Variants in SLIT2 observed in about 807,000 individuals in gnomAD.
The protein encoded by SLIT2 is slit homolog 2 protein.
In SLIT2, 41 loss-of-function variants were observed where a neutral mutation model predicts 185.7. That is an observed-to-expected ratio of 0.22 (90% CI 0.17 to 0.29). SLIT2 has a LOEUF of 0.29. Among genes scored for constraint, SLIT2 ranks in the 10% least tolerant of loss-of-function variants. SLIT2 has a pLI of 1.00. For missense variants in SLIT2, 1,571 were observed against 1,909.0 expected, an observed-to-expected ratio of 0.82 and a Z score of 3.30; for synonymous variants, 693 against 680.2, an observed-to-expected ratio of 1.02 and a Z score of -0.29.
intron 4 of SLIT2, among the ~76,000 whole-genome samples, chr4:20,367,654 T>C (rs1326056043): frequency 1.3e-5 from 2 of 152,170 alleles, no homozygotes; most frequent in Non-Finnish European, 2.9e-5. Flanking sequence ...TTAGCATTTA[T>C]TTCTCCTGGC....
In SLIT2 at chr4:20,472,598, C is replaced by CTATATAGATCTA. The variant is rs373022250; in HGVS notation, c.467+4779_467+4780insTAGATCTATATA. Among the ~76,000 whole-genome samples the CTATATAGATCTA allele has an allele frequency of 2.6e-4, 2 of 7,784 alleles. 1 individual carries two copies. The highest frequency in any genetic ancestry group is 4.2e-4 in the Non-Finnish European group (2 of 4,730). The allele number at this position is 7,784 out of a possible 152,430, so 5.1% of individuals were successfully genotyped here. A position where few individuals can be genotyped will look rare whatever the true frequency, so the allele number is the denominator to read the frequency against. ...GATATATCTATATATAGATATATATCTATAGATATATCTATATATATCGAT... is the reference window on the plus strand; with the variant it reads ...GATATATCTATATATAGATATATATCTATATAGATCTATATAGATATATCTATATATATCGAT... On this transcript the variant is annotated intron_variant, in intron 5 of 36. Transcript: ENST00000504154.
At chr4:20,525,294 C>A in intron 15 of SLIT2, 122 bp downstream of exon 15, 2 of 711,206 alleles carry the variant, frequency 2.8e-6, no homozygotes, top group Non-Finnish European at 5.0e-6. Flanking sequence ...GATAGATTGA[C>A]TTATGCATAT....
intron 29 of SLIT2, chr4:20,573,353 AG>A: frequency 2.9e-6 from 2 of 696,168 alleles, no homozygotes; most frequent in South Asian, 3.0e-5. Context: ...CACAGTAAAA[AG>A]GAATGTTGAC....
chr4:20,459,671 T>G (rs1162320757), intron 4 of SLIT2, among the ~76,000 whole-genome samples: 1 of 152,136 alleles, frequency 6.6e-6, no homozygotes, highest in Non-Finnish European at 1.5e-5. Context: ...TATAAAACAT[T>G]GCCATTCTCC....
chr4:20,348,640 C>G (rs1721633283), intron 4 of SLIT2, among the ~76,000 whole-genome samples: 1 of 152,104 alleles, frequency 6.6e-6, no homozygotes, highest in African/African-American at 2.4e-5. Context: ...AGCCACTGTG[C>G]TAGACAAGGG....
intron 9 of SLIT2, among the ~76,000 whole-genome samples, chr4:20,496,248 A>G (rs572428230): frequency 7.8e-6 from 1 of 128,468 alleles, no homozygotes; most frequent in South Asian, 2.7e-4. Context: ...CTACAAATTC[A>G]TACTTCTGCT....
intron 4 of SLIT2, among the ~76,000 whole-genome samples, chr4:20,335,773 A>G (rs1202129712): frequency 6.6e-6 from 1 of 152,164 alleles, no homozygotes; most frequent in Non-Finnish European, 1.5e-5. Context: ...CATCAGATGG[A>G]AAAATCAGAG....
chr4:20,407,400 T>G (rs1413348800), intron 4 of SLIT2, among the ~76,000 whole-genome samples: 1 of 152,204 alleles, frequency 6.6e-6, no homozygotes, highest in Non-Finnish European at 1.5e-5. Flanking sequence ...TAATTATTTT[T>G]CAGTTCATGA....
At chr4:20,602,634 G>T (rs1728495755) in intron 33 of SLIT2, among the ~76,000 whole-genome samples, 1 of 152,092 alleles carries the variant, frequency 6.6e-6, no homozygotes, top group Non-Finnish European at 1.5e-5. Flanking sequence ...CCGAAAATTT[G>T]CATTTTTAAC....
At chr4:20,591,298 G>A (rs926667997) in intron 30 of SLIT2, among the ~76,000 whole-genome samples, 5 of 152,126 alleles carry the variant, frequency 3.3e-5, no homozygotes, top group Admixed American at 6.6e-5. Flanking sequence ...TGTACTTACC[G>A]AACAGATCAT....
intron 4 of SLIT2, among the ~76,000 whole-genome samples, chr4:20,373,635 T>C (rs1723772127): frequency 6.6e-6 from 1 of 152,136 alleles, no homozygotes; most frequent in Non-Finnish European, 1.5e-5. Context: ...CCCTTAGCAT[T>C]AATTTACTCA....
At chr4:20,409,606 C>A (rs1426689966) in intron 4 of SLIT2, among the ~76,000 whole-genome samples, 2 of 152,152 alleles carry the variant, frequency 1.3e-5, no homozygotes, top group Admixed American at 1.3e-4. Context: ...ATTTCTGGGT[C>A]AAATGGTATT....
At chr4:20,569,150 A>G (rs1213403491) in intron 29 of SLIT2, 146 bp downstream of exon 29, 2 of 709,568 alleles carry the variant, frequency 2.8e-6, no homozygotes, top group Admixed American at 4.7e-5. Flanking sequence ...AAATAACATA[A>G]GGACTTAAAG....
At chr4:20,311,791 G>A (rs1406030637) in intron 4 of SLIT2, among the ~76,000 whole-genome samples, 1 of 152,078 alleles carries the variant, frequency 6.6e-6, no homozygotes, top group East Asian at 1.9e-4. Flanking sequence ...ACTCTATTAA[G>A]CCACTATAAA....
At chr4:20,559,951 G>C (rs993067728) in intron 26 of SLIT2, among the ~76,000 whole-genome samples, 2 of 151,754 alleles carry the variant, frequency 1.3e-5, no homozygotes, top group African/African-American at 4.8e-5. Flanking sequence ...TGTAAAAATG[G>C]ATTGGTAGAA....
intron 4 of SLIT2, among the ~76,000 whole-genome samples, chr4:20,319,419 T>C (rs1057387844): frequency 1.3e-5 from 2 of 152,180 alleles, no homozygotes; most frequent in Non-Finnish European, 2.9e-5. Context: ...GGTCTCTTCC[T>C]TTAACAATTA....
intron 29 of SLIT2, among the ~76,000 whole-genome samples, chr4:20,574,037 C>G (rs1725855819): frequency 6.6e-6 from 1 of 151,818 alleles, no homozygotes; most frequent in African/African-American, 2.4e-5. Context: ...TCACTGCAAG[C>G]TCCACCTCCC....
chr4:20,461,264 C>A (rs1359054697), intron 4 of SLIT2, among the ~76,000 whole-genome samples: 1 of 152,058 alleles, frequency 6.6e-6, no homozygotes, highest in African/African-American at 2.4e-5. Flanking sequence ...GCATGAAATT[C>A]ATGAGTGAAG....
chr4:20,360,329 C>G (rs771989226), intron 4 of SLIT2, among the ~76,000 whole-genome samples: 1 of 152,012 alleles, frequency 6.6e-6, no homozygotes, highest in African/African-American at 2.4e-5. Context: ...AGAGGTAAGT[C>G]GTTTGTCATT....
Sources: allele counts gnomAD v4.1 joint callset (sites outside exome capture counted in the v4.1 genomes callset), GRCh38; gene constraint gnomAD v4.1.1; transcripts MANE v1.5; gene names NCBI Gene and HGNC (gene_info 2026-07-23, HGNC 2026-07-21).